The following BEAN1 variants were observed in gnomAD, a reference collection of about 807,000 sequenced individuals.
The protein encoded by BEAN1 is brain expressed associated with NEDD4 1, also known as protein BEAN1.
A neutral mutation model predicts 17.7 loss-of-function variants in BEAN1; 17 were observed. The ratio of observed to expected loss-of-function variants is 0.96; its 90% CI spans 0.66 to 1.44. The LOEUF (loss-of-function observed/expected upper bound fraction) is 1.44. BEAN1 is among the 40% of genes most tolerant of loss of function. The pLI is 0.00. For missense variants in BEAN1, 359 were observed against 374.1 expected, an observed-to-expected ratio of 0.96 and a Z score of 0.33; for synonymous variants, 142 against 151.8, an observed-to-expected ratio of 0.94 and a Z score of 0.47.
downstream of BEAN1, chr16:66,482,883 G>C (rs1234377301): frequency 2.2e-6 from 1 of 455,956 alleles, no homozygotes; most frequent in Non-Finnish European, 4.4e-6. Context: ...TTCAGACAGG[G>C]TCTCACTCAG....
At chr16:66,467,294 C>A (rs1233825977) in intron 2 of BEAN1, among the ~76,000 whole-genome samples, 1 of 152,152 alleles carries the variant, frequency 6.6e-6, no homozygotes, top group East Asian at 1.9e-4. Flanking sequence ...TGAAGAAATA[C>A]CTGAGGCCGG....
intron 4 of BEAN1, among the ~76,000 whole-genome samples, chr16:66,492,439 T>A (rs1239968391): frequency 6.6e-6 from 1 of 151,942 alleles, no homozygotes; most frequent in Non-Finnish European, 1.5e-5. Flanking sequence ...ACTCTCTTTT[T>A]GCGTTTTTTT....
At chr16:66,464,950 A>G (rs1963212648) in intron 2 of BEAN1, among the ~76,000 whole-genome samples, 1 of 152,206 alleles carries the variant, frequency 6.6e-6, no homozygotes. Context: ...AGAAGTACCA[A>G]AAGTGGACAT....
intron 1 of BEAN1, among the ~76,000 whole-genome samples, chr16:66,435,746 C>G (rs1416457224): frequency 6.6e-6 from 1 of 152,134 alleles, no homozygotes; most frequent in African/African-American, 2.4e-5. Context: ...CTCGGCCTCC[C>G]AAAGTGCTGG....
At chr16:66,450,728 A>G (rs1469459909) in intron 2 of BEAN1, among the ~76,000 whole-genome samples, 1 of 152,156 alleles carries the variant, frequency 6.6e-6, no homozygotes, top group Admixed American at 6.5e-5. Flanking sequence ...ACCCTGTCTC[A>G]AAAATCAAAA....
chr16:66,489,379 T>A (rs1399737636), intron 4 of BEAN1, among the ~76,000 whole-genome samples: 2 of 152,114 alleles, frequency 1.3e-5, no homozygotes, highest in Non-Finnish European at 2.9e-5. Context: ...TCTCCAACCC[T>A]CTTTGACCCC....
intron 2 of BEAN1, among the ~76,000 whole-genome samples, chr16:66,459,862 G>A (rs1421545512): frequency 1.3e-5 from 2 of 152,186 alleles, no homozygotes; most frequent in Admixed American, 1.3e-4. Context: ...TGCTCTTCTG[G>A]CTGAAAGCAC....
chr16:66,470,788 G>C (rs1038347526), intron 3 of BEAN1, among the ~76,000 whole-genome samples: 1 of 152,238 alleles, frequency 6.6e-6, no homozygotes, highest in Admixed American at 6.5e-5. Flanking sequence ...GAAGGGGCCA[G>C]CTGTCTAAGG....
chr16:66,430,029 T>C (rs187438574), intron 1 of BEAN1, among the ~76,000 whole-genome samples: 1 of 152,190 alleles, frequency 6.6e-6, no homozygotes, highest in Non-Finnish European at 1.5e-5. Context: ...CTGCAGTCCA[T>C]TAGCAAGCAG....
rs1182615248 is a variant in BEAN1 at position 66,434,963 on chromosome 16, G to A, written c.-82-2632G>A. Among the ~76,000 whole-genome samples the A allele has an allele frequency of 3.9e-5, 6 of 152,128 alleles. No homozygotes were observed. The highest frequency in any genetic ancestry group is 4.8e-5 in the African/African-American group (2 of 41,416). On this transcript the variant is annotated intron_variant, in intron 1 of 4. Transcript: ENST00000536005. The surrounding 1 kb of genome is among the most constrained non-coding windows in gnomAD (Gnocchi z 4.3). ...TACTGGTCTAGAATAATTTAGATCC[G>A]GAGTTGTCCTGGAAGGGCACCCAGG...
intron 1 of BEAN1, chr16:66,428,524 G>A (rs1303484517): frequency 6.6e-6 from 1 of 152,412 alleles, no homozygotes; most frequent in African/African-American, 2.4e-5. Context: ...TTGTGAGCGG[G>A]ATGTTTAAGG....
In BEAN1 at chr16:66,447,972, AGAG is replaced by A. The variant is rs1412097056; in HGVS notation, c.25+10275_25+10277del. The stretch of plus-strand genomic sequence containing the variant: ...GCTGCTCTGTTCTCAGTGAAGATGC[AGAG>A]GAGAAGCCCTCTTTGGAAAGTAAAA... On this transcript the variant is annotated intron_variant, in intron 2 of 4. Coordinates refer to ENST00000536005, the MANE Select transcript of BEAN1 (RefSeq NM_001178020.3). Among the ~76,000 whole-genome samples, 3 of 152,238 alleles carry A rather than the reference AGAG, an allele frequency of 2.0e-5. No homozygotes were observed. The East Asian group carries it at 5.8e-4, about 29-fold the overall frequency.
intron 1 of BEAN1, among the ~76,000 whole-genome samples, chr16:66,436,893 G>A (rs868019437): frequency 1.3e-5 from 2 of 152,084 alleles, no homozygotes; most frequent in Non-Finnish European, 2.9e-5. Context: ...GTAGGCCTTT[G>A]TTTCTGAATC....
intron 2 of BEAN1, among the ~76,000 whole-genome samples, chr16:66,453,884 C>T (rs902298408): frequency 6.6e-6 from 1 of 152,128 alleles, no homozygotes; most frequent in Non-Finnish European, 1.5e-5. Flanking sequence ...CAAGCACATG[C>T]CACCACACCT....
Position 66,471,837 on chromosome 16 carries a change from G to A in BEAN1, c.289+1972G>A, listed in dbSNP as rs1008030356. Among the ~76,000 whole-genome samples the A allele has an allele frequency of 1.3e-5, 2 of 152,214 alleles. No homozygotes were observed. Among genetic ancestry groups the A allele is most frequent in the African/African-American group, 4.8e-5 (2 of 41,460 alleles). On this transcript the variant is annotated intron_variant, in intron 3 of 4. Transcript: ENST00000536005. This position sits in a 1 kb window ranked among gnomAD's most constrained non-coding sequence, Gnocchi z 4.7. ...AGCACTCCCAGGCCAGGACGGGCCT[G>A]TCCCACCCCTGCATCACCAACCTGA...
At position 66,469,694 on chromosome 16, in the gene BEAN1, A is replaced by C; in HGVS notation, c.118A>C (p.Ser40Arg). ...GCTCGTGTCCCCCGTGCTGGTGGCGAGTGCCGTCATAGGTGTGGTCATCAT... is the reference window on the plus strand; with the variant it reads ...GCTCGTGTCCCCCGTGCTGGTGGCGCGTGCCGTCATAGGTGTGGTCATCAT... ...HLLVSPVLVA[S>R]AVIGVVIILS... Residue 40 changes from serine to arginine, a missense_variant, in exon 3 of 5, where the codon AGT becomes CGT. Physicochemically the swap from Ser to Arg is moderately radical, Grantham distance 110 (BLOSUM62 -1). Transcript: ENST00000536005. The C allele has an allele frequency of 6.5e-7, 1 of 1,536,008 alleles. No homozygotes were observed.
At chr16:66,487,156 C>G (rs993346717), downstream of BEAN1, among the ~76,000 whole-genome samples, 1 of 152,226 alleles carries the variant, frequency 6.6e-6, no homozygotes, top group Admixed American at 6.5e-5. Context: ...AAGGAATACA[C>G]TCACCCACAG....
At chr16:66,435,214 G>A (rs1961967445) in intron 1 of BEAN1, among the ~76,000 whole-genome samples, 3 of 152,146 alleles carry the variant, frequency 2.0e-5, no homozygotes, top group Non-Finnish European at 4.4e-5. Context: ...GGTGTCCCTG[G>A]CAGTAACTGA....
At chr16:66,478,122 G>C (rs1043589566) in intron 4 of BEAN1, 1 of 160,114 alleles carries the variant, frequency 6.2e-6, no homozygotes. Flanking sequence ...TTCCCCCTAG[G>C]GAAAAAAAAC....
Sources: allele counts gnomAD v4.1 joint callset (sites outside exome capture counted in the v4.1 genomes callset), GRCh38; gene constraint gnomAD v4.1.1; non-coding constraint Gnocchi (gnomAD v3.1); transcripts MANE v1.5; gene names NCBI Gene and HGNC (gene_info 2026-07-23, HGNC 2026-07-21).